Variants in POLR1C observed in about 807,000 individuals in gnomAD.
The protein encoded by POLR1C is DNA-directed RNA polymerases I and III subunit RPAC1.
Under a neutral mutation model 38.3 loss-of-function variants are expected in POLR1C, and 42 were observed. The ratio of observed to expected loss-of-function variants is 1.10; its 90% CI spans 0.86 to 1.42. The LOEUF is 1.42. Ranked by LOEUF, POLR1C falls within the 40% of genes most tolerant of loss-of-function variation. The pLI is 0.00. For missense variants in POLR1C, 507 were observed against 450.5 expected (o/e 1.13, Z -1.14); for synonymous variants, 163 against 163.9 (o/e 0.99, Z 0.04).
chr6:43,555,893 C>G, intron 10 of POLR1C: 5 of 1,614,008 alleles, frequency 3.1e-6, no homozygotes, highest in Non-Finnish European at 4.2e-6. Flanking sequence ...CACTCCCCAG[C>G]CATCTGGAAG....
In POLR1C at chr6:43,562,190, T is replaced by G. The variant is rs573639610; in HGVS notation, c.*839T>G. The G allele has an allele frequency of 7.7e-6, 11 of 1,428,910 alleles. No individual in the cohort carries two copies. The African/African-American group carries it at 1.6e-4, about 20-fold the overall frequency. The allele number at this position is 1,428,910 out of a possible 1,614,324, so 88.5% of individuals were successfully genotyped here. ...GCAACCCCTCATTGAAACATAAGTTTCTAAATGCTCTTCCCAAATGGGCTT... is the reference window on the plus strand; with the variant it reads ...GCAACCCCTCATTGAAACATAAGTTGCTAAATGCTCTTCCCAAATGGGCTT... On this transcript the variant is annotated 3_prime_UTR_variant, in exon 11 of 11. Coordinates refer to the POLR1C transcript ENST00000607635.
At chr6:43,557,751 T>A (rs964062343) in intron 10 of POLR1C, among the ~76,000 whole-genome samples, 1 of 137,986 alleles carries the variant, frequency 7.2e-6, no homozygotes, top group Admixed American at 7.9e-5. Flanking sequence ...GGGTGAACTG[T>A]ATGGTAAATG....
rs1269398794 is a variant in POLR1C, at chr6:43,549,421, A to C, written c.*5-1547A>C. The stretch of plus-strand genomic sequence containing the variant: ...CTAGTTTTTTCTTTATGTGAGGTAC[A>C]CTGAAAGCTGGATTTACACACAAAT... On this transcript the variant is annotated intron_variant, in intron 9 of 10. Transcript: ENST00000607635. 2.0e-6 allele frequency: 3 copies of C among 1,467,278 alleles called. No individual in the cohort carries two copies. In the African/African-American group the frequency reaches 4.3e-5, roughly 21 times the overall value. The allele number at this position is 1,467,278 out of a possible 1,614,324, so 90.9% of individuals were successfully genotyped here.
chr6:43,556,826 T>C (rs999417567), intron 10 of POLR1C, among the ~76,000 whole-genome samples: 1 of 151,950 alleles, frequency 6.6e-6, no homozygotes, highest in African/African-American at 2.4e-5. Context: ...CAATGAAATA[T>C]TAGCAATAAA....
At chr6:43,551,122 T>G in intron 10 of POLR1C, 1 of 517,216 alleles carries the variant, frequency 1.9e-6, no homozygotes, top group Non-Finnish European at 3.2e-6. Context: ...CAGGCATGGT[T>G]GTGCATGCTT....
In POLR1C at chr6:43,520,186, G is replaced by A. The variant is rs1008942133; in HGVS notation, c.502+1G>A. The A allele has an allele frequency of 6.2e-6, 10 of 1,614,106 alleles. No individual in the cohort carries two copies. The highest frequency in any genetic ancestry group is 3.3e-5 in the Admixed American group (2 of 60,008). On this transcript the variant is annotated splice_donor_variant, in intron 5 of 8. Transcript: ENST00000642195. LOFTEE classifies it high-confidence loss of function. Reference sequence around the variant, plus strand: ...AACGAACTGTACGTGAACCACAAAGGTGAGTAGTGGTAGGGTGAGGAAGAG... The same window carrying A: ...AACGAACTGTACGTGAACCACAAAGATGAGTAGTGGTAGGGTGAGGAAGAG...
intron 8 of POLR1C, chr6:43,528,216 AC>A: frequency 6.3e-7 from 1 of 1,586,142 alleles, no homozygotes; most frequent in Non-Finnish European, 8.6e-7. Flanking sequence ...CTGGGAAAAC[AC>A]AAAGGAAATA....
At chr6:43,562,055 TAAAAG>T (rs1392979790) in exon 11 of POLR1C, 1 of 446,180 alleles carries the variant, frequency 2.2e-6, no homozygotes, top group African/African-American at 2.0e-5. Flanking sequence ...ATTTTATTGT[TAAAAG>T]AAATTTAGAT....
chr6:43,544,484 C>A (rs1794870371), intron 9 of POLR1C, among the ~76,000 whole-genome samples: 1 of 152,094 alleles, frequency 6.6e-6, no homozygotes, highest in Admixed American at 6.5e-5. Flanking sequence ...CTAGAGTCAA[C>A]CAGAAATGAA....
intron 9 of POLR1C, chr6:43,546,756 T>G: frequency 6.5e-7 from 1 of 1,532,462 alleles, no homozygotes. Flanking sequence ...AGCTCATCTA[T>G]AGAAAAATAA....
chr6:43,534,047 TG>T, downstream of POLR1C: 4 of 1,487,880 alleles, frequency 2.7e-6, no homozygotes, highest in Non-Finnish European at 3.7e-6. Flanking sequence ...TTCCATCTGA[TG>T]CAGAAGGAAA....
At chr6:43,531,696 T>C (rs1793990373), downstream of POLR1C, 1 of 820,722 alleles carries the variant, frequency 1.2e-6, no homozygotes, top group East Asian at 2.5e-5. Flanking sequence ...GGTGCTGTAC[T>C]GCAAAGCAGT....
chr6:43,552,286 G>A (rs1262026700), intron 10 of POLR1C, among the ~76,000 whole-genome samples: 2 of 152,094 alleles, frequency 1.3e-5, no homozygotes, highest in Admixed American at 1.3e-4. Flanking sequence ...CTGAGCTCCT[G>A]ACCTCAGGTG....
At chr6:43,523,807 G>A (rs768121449), downstream of POLR1C, 11 of 1,613,088 alleles carry the variant, frequency 6.8e-6, no homozygotes, top group South Asian at 3.3e-5. Flanking sequence ...CCTAGAGATC[G>A]GCTACAAAGG....
rs1236088566 is a variant in POLR1C, at chr6:43,517,147, G to A, written c.38G>A (p.Arg13His). 3.1e-6 allele frequency: 5 copies of A among 1,614,012 alleles called. No homozygotes were observed. Among genetic ancestry groups the A allele is most frequent in the Middle Eastern group, 1.6e-4 (1 of 6,084 alleles). ...ASQAVEEMRSRVVLGEFGVRN... is the reference protein window; with the variant it reads ...ASQAVEEMRSHVVLGEFGVRN... ...CAGGCGGTGGAGGAAATGCGGAGCC[G>A]CGTGGTTCTGGGGGAGTTTGGGGTT... Residue 13 changes from arginine to histidine, a missense_variant, in exon 1 of 9, where the codon CGC (arginine) becomes CAC (histidine). Coordinates refer to ENST00000642195, the MANE Select transcript of POLR1C (RefSeq NM_203290.4).
chr6:43,538,401 C>T (rs753563356), intron 9 of POLR1C, among the ~76,000 whole-genome samples: 50 of 151,950 alleles, frequency 3.3e-4, no homozygotes, highest in Admixed American at 1.1e-3. Flanking sequence ...CCGCCTGCCT[C>T]GGCCTCCCAA....
At chr6:43,526,649 A>G (rs1379233438) in intron 8 of POLR1C, 9 of 1,611,796 alleles carry the variant, frequency 5.6e-6, no homozygotes, top group Non-Finnish European at 7.6e-6. Flanking sequence ...TTAGGAGGCT[A>G]AGAGCAGAAC....
rs946181140 is a variant in POLR1C at position 43,562,281 on chromosome 6, A to G, written c.*930A>G. ...ACACAGCTGATTGCCCAGCGCACACAACACCTGACAGAGCCTCTTCAGAAA... is the reference window on the plus strand; with the variant it reads ...ACACAGCTGATTGCCCAGCGCACACGACACCTGACAGAGCCTCTTCAGAAA... On this transcript the variant is annotated 3_prime_UTR_variant, in exon 11 of 11. Coordinates refer to the POLR1C transcript ENST00000607635. The G allele has an allele frequency of 3.0e-5, 49 of 1,609,308 alleles. No homozygotes were observed. The highest frequency in any genetic ancestry group is 4.2e-5 in the Non-Finnish European group (49 of 1,178,086).
chr6:43,531,703 C>T, downstream of POLR1C: 1 of 771,778 alleles, frequency 1.3e-6, no homozygotes, highest in South Asian at 1.6e-5. Context: ...TACTGCAAAG[C>T]AGTTGGCTAC....
Sources: gnomAD v4.1 joint callset for allele counts (sites outside exome capture counted in the v4.1 genomes callset) on GRCh38, gnomAD v4.1.1 for gene constraint, MANE v1.5 for transcripts, NCBI Gene and HGNC (gene_info 2026-07-23, HGNC 2026-07-21) for gene names.